Variants in CCNL2 observed in about 807,000 individuals in gnomAD.
CCNL2 encodes the protein cyclin L2.
A neutral mutation model predicts 59.1 loss-of-function variants in CCNL2; 28 were observed. That is an observed-to-expected ratio of 0.47 (90% CI 0.35 to 0.65). The LOEUF (loss-of-function observed/expected upper bound fraction) is 0.65. Ranked by LOEUF, CCNL2 falls within the 30% of genes least tolerant of loss-of-function variation. The pLI is 0.00. For missense variants in CCNL2, 714 were observed against 717.4 expected (o/e 1.00, Z 0.05); for synonymous variants, 342 against 288.6 (o/e 1.19, Z -1.88).
chr1:1,398,058 CAT>C (rs1396029654), intron 3 of CCNL2, among the ~76,000 whole-genome samples, 173 bp downstream of exon 3: 4 of 152,268 alleles, frequency 2.6e-5, no homozygotes. Context: ...TACTAAACCG[CAT>C]CTACTGATGC....
At position 1,398,231 on chromosome 1, in the gene CCNL2, A is replaced by G; in HGVS notation, c.473+2T>C. 1.9e-6 allele frequency: 3 copies of G among 1,614,116 alleles called. No individual in the cohort carries two copies. The highest frequency in any genetic ancestry group is 2.5e-6 in the Non-Finnish European group (3 of 1,179,954). On this transcript the variant is annotated splice_donor_variant, in intron 3 of 10. Transcript: ENST00000400809. LOFTEE classifies it high-confidence loss of function. Reference sequence around the variant, plus strand: ...TAGACTAGACAGCTCTGACTGACTCACTTTTTGTCTCTCAGCTGTCGAAGG... The same window carrying G: ...TAGACTAGACAGCTCTGACTGACTCGCTTTTTGTCTCTCAGCTGTCGAAGG...
rs968116956 is a variant in CCNL2 at position 1,385,720 on chromosome 1, A to C, written c.*1511T>G. 1 of 152,278 alleles carries C rather than the reference A, an allele frequency of 6.6e-6. No homozygotes were observed. Among genetic ancestry groups the C allele is most frequent in the African/African-American group, 2.4e-5 (1 of 41,472 alleles). The allele number at this position is 152,278 out of a possible 1,614,324, so 9.4% of individuals were successfully genotyped here. A position where few individuals can be genotyped will look rare whatever the true frequency, so the allele number is the denominator to read the frequency against. ...AGGAGAACATAAAATCTGGCCTTAA[A>C]TGGTTCTTTATGTCATAATAATATT... On this transcript the variant is annotated 3_prime_UTR_variant, in exon 11 of 11. Transcript: ENST00000400809.
intron 4 of CCNL2, among the ~76,000 whole-genome samples, chr1:1,394,203 G>A (rs938657719): frequency 6.6e-6 from 1 of 151,520 alleles, no homozygotes; most frequent in Admixed American, 6.6e-5. Context: ...AGCCGAACAA[G>A]CAGATGAGGA....
chr1:1,388,772 G>GAAAAAAAAA, intron 8 of CCNL2: 2 of 152,196 alleles, frequency 1.3e-5, no homozygotes, highest in Admixed American at 1.3e-4. Flanking sequence ...CTCCGTCTCA[G>GAAAAAAAAA]AAAAAAAAAA....
intron 2 of CCNL2, 70 bp from the exon 3 acceptor site, chr1:1,398,412 T>C (rs1645169391): frequency 1.9e-6 from 3 of 1,608,960 alleles, no homozygotes; most frequent in Non-Finnish European, 2.5e-6. Context: ...CGCCAAAGGC[T>C]TGAGGGCTAT....
rs563131930 is a variant in CCNL2 at position 1,395,761 on chromosome 1, T to C, written c.474-247A>G. Among the ~76,000 whole-genome samples the C allele has an allele frequency of 5.9e-5, 9 of 152,282 alleles. No homozygotes were observed. The East Asian group carries it at 9.6e-4, about 16-fold the overall frequency. On this transcript the variant is annotated intron_variant, in intron 3 of 10. Transcript: ENST00000400809. Reference sequence around the variant, plus strand: ...ATCAACAGCTTCTGGTGCACAAGCATAGACCGAACATAGCAAGTTTTAGGA... The same window carrying C: ...ATCAACAGCTTCTGGTGCACAAGCACAGACCGAACATAGCAAGTTTTAGGA...
intron 5 of CCNL2, chr1:1,391,939 G>T (rs952635013): frequency 9.8e-6 from 2 of 204,060 alleles, no homozygotes; most frequent in Non-Finnish European, 2.0e-5. Flanking sequence ...ACCCGCAGAC[G>T]AGGTGGGTTG....
intron 8 of CCNL2, 104 bp from the exon 9 acceptor site, chr1:1,388,169 G>A (rs962774551): frequency 1.9e-5 from 16 of 850,338 alleles, no homozygotes; most frequent in Non-Finnish European, 3.1e-5. Context: ...AAACAGCGAC[G>A]CAAGCAGACT....
intron 2 of CCNL2, 34 bp from the exon 3 acceptor site, chr1:1,398,376 GTCCC>G: frequency 6.2e-7 from 1 of 1,613,348 alleles, no homozygotes; most frequent in Non-Finnish European, 8.5e-7. Flanking sequence ...GCCCATGTTT[GTCCC>G]CAGCCACGGC....
At chr1:1,390,430 ATACGT>A in intron 7 of CCNL2, 24 bp downstream of exon 7, 4 of 1,612,810 alleles carry the variant, frequency 2.5e-6, no homozygotes, top group Non-Finnish European at 2.5e-6. Context: ...ACACAAACGC[ATACGT>A]TACATGAAAA....
At chr1:1,391,133 T>C (rs1644741675) in intron 5 of CCNL2, 2 of 1,237,982 alleles carry the variant, frequency 1.6e-6, no homozygotes, top group Non-Finnish European at 2.0e-6. Flanking sequence ...TACGTGTTGC[T>C]ATGAAAGAGA....
At chr1:1,398,471 A>C in intron 2 of CCNL2, 126 bp downstream of exon 2, 1 of 1,571,510 alleles carries the variant, frequency 6.4e-7, no homozygotes, top group Non-Finnish European at 8.6e-7. Context: ...GTCAAGAAAC[A>C]GAACCCTCCG....
intron 5 of CCNL2, chr1:1,392,261 T>G (rs1289438330): frequency 4.4e-6 from 4 of 914,088 alleles, no homozygotes; most frequent in Non-Finnish European, 3.9e-6. Flanking sequence ...GAACTTAAAA[T>G]TCTTAAAAAC....
chr1:1,388,978 G>A, intron 8 of CCNL2: 1 of 230,190 alleles, frequency 4.3e-6, no homozygotes, highest in East Asian at 1.4e-4. Context: ...GGGAGGCTGA[G>A]GCAGGAGAAT....
rs967275822 is a variant in CCNL2, at chr1:1,387,187, T to C, written c.*44A>G. ...GGGTCAAAGGGCAGCCATCAGGTAC[T>C]CCCCAGGGAAGGGCTTGCGGCCACC... is the stretch of plus-strand genomic sequence containing the variant. On this transcript the variant is annotated 3_prime_UTR_variant, in exon 11 of 11. Coordinates refer to ENST00000400809, the MANE Select transcript of CCNL2 (RefSeq NM_030937.6). 1 of 1,520,070 alleles carries C rather than the reference T, an allele frequency of 6.6e-7. No homozygotes were observed. Among genetic ancestry groups the C allele is most frequent in the Non-Finnish European group, 8.9e-7 (1 of 1,119,760 alleles). 94.2% of individuals were successfully genotyped at this position (1,520,070 alleles called of 1,614,324 possible).
chr1:1,396,772 G>A (rs1329884727), intron 3 of CCNL2, among the ~76,000 whole-genome samples: 2 of 149,212 alleles, frequency 1.3e-5, no homozygotes, highest in Admixed American at 6.7e-5. Context: ...TTTTTGAGAC[G>A]GAGTCTTGCT....
rs1314096194 is a variant in CCNL2 at position 1,395,486 on chromosome 1, C to T, written c.502G>A (p.Asp168Asn). 6.2e-7 allele frequency: 1 copy of T among 1,614,158 alleles called. No homozygotes were observed. Among genetic ancestry groups the T allele is most frequent in the East Asian group, 2.2e-5 (1 of 44,890 alleles). ...KKPVPLLLDQ[D>N]YVNLKNQIIK... Reference sequence around the variant, plus strand: ...ATTTGGTTCTTTAAATTAACATAATCTTGATCCAGTAGTAGAGGCACGGGC... The same window carrying T: ...ATTTGGTTCTTTAAATTAACATAATTTTGATCCAGTAGTAGAGGCACGGGC... Residue 168 changes from aspartate (D) to asparagine (N), a missense_variant, in exon 4 of 11, where the codon GAT (aspartate) becomes AAT (asparagine). Asp to Asn is a conservative substitution (Grantham distance 23). Around this residue, in one of 5 missense-constraint regions of CCNL2, gnomAD observed 270 missense variants for 254.9 expected, o/e 1.06. Transcript: ENST00000400809.
chr1:1,387,939 G>A lies in CCNL2; in HGVS notation c.1118+15C>T. Reference sequence around the variant, plus strand: ...GCCAACCCTGACAGCCACCTGGGCAGCCCTGGGGTCCTACCCGTTCACGGG... The same window carrying A: ...GCCAACCCTGACAGCCACCTGGGCAACCCTGGGGTCCTACCCGTTCACGGG... On this transcript the variant is annotated intron_variant, in intron 9 of 10. Transcript: ENST00000400809. 2 of 1,613,494 alleles carry A rather than the reference G, an allele frequency of 1.2e-6. No individual in the cohort carries two copies.
intron 8 of CCNL2, chr1:1,388,389 C>T: frequency 2.5e-6 from 1 of 394,960 alleles, no homozygotes; most frequent in Non-Finnish European, 4.9e-6. Flanking sequence ...GGCTTGGTGG[C>T]ACGCGCCTGT....
Sources: allele counts gnomAD v4.1 joint callset (sites outside exome capture counted in the v4.1 genomes callset), GRCh38; gene constraint gnomAD v4.1.1; regional missense constraint gnomAD v4.1.1; transcripts MANE v1.5; gene names NCBI Gene and HGNC (gene_info 2026-07-23, HGNC 2026-07-21).